WBP2: variants seen among roughly 807,000 people sequenced by gnomAD.
WBP2 encodes WW domain-binding protein 2.
Under a neutral mutation model 33.0 loss-of-function variants are expected in WBP2, and 23 were observed. The observed-to-expected ratio is 0.70, with a 90% confidence interval of 0.50 to 0.99. The LOEUF is 0.99. Ranked by LOEUF, WBP2 falls within the 50% of genes least tolerant of loss-of-function variation. WBP2 has a pLI of 0.00. For synonymous variants in WBP2, 153 were observed against 133.5 expected (o/e 1.15, Z -1.01); for missense variants, 353 against 358.0 (o/e 0.99, Z 0.11).
intron 3 of WBP2, 134 bp downstream of exon 3, chr17:75,849,470 G>T: frequency 8.8e-7 from 1 of 1,134,080 alleles, no homozygotes; most frequent in Non-Finnish European, 1.2e-6. Flanking sequence ...CCACCAGCTG[G>T]CAGCCCAGAG....
chr17:75,849,773 G>C (rs369310320), intron 2 of WBP2, 34 bp from the exon 3 acceptor site: 4 of 1,610,186 alleles, frequency 2.5e-6, no homozygotes, highest in Non-Finnish European at 3.4e-6. Flanking sequence ...ATCAGTACTA[G>C]AAGCACAGCC....
upstream of WBP2, chr17:75,855,420 C>T (rs542090227): frequency 4.7e-5 from 50 of 1,068,266 alleles, no homozygotes; most frequent in Non-Finnish European, 6.7e-5. Flanking sequence ...GAGGCTGGCC[C>T]AAACACCTGA....
At chr17:75,851,787 C>T in intron 1 of WBP2, 111 bp from the exon 2 acceptor site, 1 of 773,794 alleles carries the variant, frequency 1.3e-6, no homozygotes, top group South Asian at 1.4e-5. Flanking sequence ...CTCTCATAAC[C>T]TCTCAATAGT....
At chr17:75,853,150 G>A (rs1433605832) in intron 1 of WBP2, among the ~76,000 whole-genome samples, 2 of 152,086 alleles carry the variant, frequency 1.3e-5, no homozygotes, top group Non-Finnish European at 1.5e-5. Context: ...GCGTTCAAGC[G>A]ATTCTCCTGT....
In WBP2 at chr17:75,846,415, G is replaced by A. The variant is rs1040085565; in HGVS notation, c.*319C>T. 24 of 433,120 alleles carry A rather than the reference G, an allele frequency of 5.5e-5. No homozygotes were observed. Among genetic ancestry groups the A allele is most frequent in the Non-Finnish European group, 2.5e-5 (6 of 235,298 alleles). The allele number at this position is 433,120 out of a possible 1,614,324, so 26.8% of individuals were successfully genotyped here. On this transcript the variant is annotated 3_prime_UTR_variant, in exon 8 of 8. Transcript: ENST00000254806. The surrounding 1 kb of genome is among the most constrained non-coding windows in gnomAD (Gnocchi z 4.8). ...AGGGAGCTGGACTGCGGTGGAGGAG[G>A]TGGCCAGAGAGTCCCTTCGAGGGGA...
intron 6 of WBP2, 100 bp downstream of exon 6, chr17:75,847,387 T>G (rs989001454): frequency 2.8e-5 from 42 of 1,526,152 alleles, no homozygotes; most frequent in Admixed American, 1.8e-4. Flanking sequence ...ATCCATCATC[T>G]GCGGCTCTCA....
In WBP2 at chr17:75,847,787, C is replaced by A; in HGVS notation, c.532+9G>T. 1 of 1,552,936 alleles carries A rather than the reference C, an allele frequency of 6.4e-7. No individual in the cohort carries two copies. Among genetic ancestry groups the A allele is most frequent in the South Asian group, 1.2e-5 (1 of 84,310 alleles). On this transcript the variant is annotated intron_variant, in intron 5 of 7. Coordinates refer to ENST00000254806, the MANE Select transcript of WBP2 (RefSeq NM_012478.4). ...TGAGGGGAGTGGGGGCAGCAAAGGA[C>A]ACACTCACCAGGTGGGGGCGGTGGA...
intron 3 of WBP2, chr17:75,848,980 C>T (rs1199653052): frequency 2.3e-5 from 9 of 389,170 alleles, no homozygotes; most frequent in Admixed American, 1.2e-4. Flanking sequence ...GGTTTCTCTC[C>T]GCCCCCAGTC....
At chr17:75,851,947 C>G (rs536550213) in intron 1 of WBP2, 2 of 242,726 alleles carry the variant, frequency 8.2e-6, no homozygotes, top group Non-Finnish European at 1.7e-5. Flanking sequence ...ACTAAAAATA[C>G]AAAAAAATTA....
At chr17:75,847,370 A>T in intron 6 of WBP2, 117 bp downstream of exon 6, 1 of 1,485,340 alleles carries the variant, frequency 6.7e-7, no homozygotes, top group Non-Finnish European at 9.1e-7. Flanking sequence ...GGGGTAGTCC[A>T]GGGGTCATCC....
Position 75,846,840 on chromosome 17 carries a change from G to A in WBP2, c.733-53C>T, listed in dbSNP as rs376521509. Reference sequence around the variant, plus strand: ...CATTAGAAGGTTTAAAACATGGTGCGGTCATCCCCCTGCGGCTCCCAGCAT... The same window carrying A: ...CATTAGAAGGTTTAAAACATGGTGCAGTCATCCCCCTGCGGCTCCCAGCAT... On this transcript the variant is annotated intron_variant, in intron 7 of 7. Coordinates refer to ENST00000254806, the MANE Select transcript of WBP2 (RefSeq NM_012478.4). The surrounding 1 kb of genome is among the most constrained non-coding windows in gnomAD (Gnocchi z 4.8). 3.4e-5 allele frequency: 54 copies of A among 1,610,028 alleles called. No homozygotes were observed. Among genetic ancestry groups the A allele is most frequent in the East Asian group, 4.5e-5 (2 of 44,786 alleles).
At chr17:75,849,443 C>T (rs1365029708) in intron 3 of WBP2, 161 bp downstream of exon 3, 9 of 836,178 alleles carry the variant, frequency 1.1e-5, no homozygotes, top group Non-Finnish European at 1.7e-5. Context: ...TTTTCCCCAC[C>T]TCTTGGCAAT....
In WBP2 at chr17:75,846,974, C is replaced by G. The variant is rs1387278909; in HGVS notation, c.666G>C (p.Lys222Asn). The change falls in exon 7 of 8, where the codon AAG becomes AAC. Residue 222 changes from lysine to asparagine, a missense_variant. Coordinates refer to ENST00000254806, the MANE Select transcript of WBP2 (RefSeq NM_012478.4). The surrounding 1 kb of genome is among the most constrained non-coding windows in gnomAD (Gnocchi z 4.8). ...DVPSTPAAEAKAAEAAASAYY... is the reference protein window; with the variant it reads ...DVPSTPAAEANAAEAAASAYY... ...AGGCGCTGGCGGCTGCTTCTGCGGCCTTGGCTTCGGCTGTGAGAGCAAACA... is the reference window on the plus strand; with the variant it reads ...AGGCGCTGGCGGCTGCTTCTGCGGCGTTGGCTTCGGCTGTGAGAGCAAACA... 1 of 1,614,098 alleles carries G rather than the reference C, an allele frequency of 6.2e-7. No individual in the cohort carries two copies. Among genetic ancestry groups the G allele is most frequent in the South Asian group, 1.1e-5 (1 of 91,068 alleles).
At position 75,855,009 on chromosome 17, in the gene WBP2, C is replaced by G. The variant is rs148656475; in HGVS notation, c.59+230G>C. ...CTAGGCCCCACCGGGGGCCCCATAC[C>G]AGGTCCCCATGCAGACGTCCCACCC... On this transcript the variant is annotated intron_variant, in intron 1 of 7. Transcript: ENST00000254806. 3 of 577,488 alleles carry G rather than the reference C, an allele frequency of 5.2e-6. No individual in the cohort carries two copies. In the East Asian group the frequency reaches 8.5e-5, roughly 16 times the overall value. The allele number at this position is 577,488 out of a possible 1,614,324, so 35.8% of individuals were successfully genotyped here. A position where few individuals can be genotyped will look rare whatever the true frequency, so the allele number is the denominator to read the frequency against.
rs2064998112 is a variant in WBP2 at position 75,847,117 on chromosome 17, A to C, written c.656-133T>G. 3.1e-6 allele frequency: 3 copies of C among 964,076 alleles called. No individual in the cohort carries two copies. In the South Asian group the frequency reaches 4.5e-5, roughly 14 times the overall value. The allele number at this position is 964,076 out of a possible 1,614,324, so 59.7% of individuals were successfully genotyped here. A position where few individuals can be genotyped will look rare whatever the true frequency, so the allele number is the denominator to read the frequency against. On this transcript the variant is annotated intron_variant, in intron 6 of 7. Transcript: ENST00000254806. Reference sequence around the variant, plus strand: ...GTTCCACCAATGAGAGCAGCAGGTGAGGTTTCCTGAGCACATGCCACGCGC... The same window carrying C: ...GTTCCACCAATGAGAGCAGCAGGTGCGGTTTCCTGAGCACATGCCACGCGC...
At position 75,846,746 on chromosome 17, in the gene WBP2, C is replaced by A; in HGVS notation, c.774G>T (p.Lys258Asn). 6.5e-7 allele frequency: 1 copy of A among 1,529,930 alleles called. No homozygotes were observed. Among genetic ancestry groups the A allele is most frequent in the South Asian group, 1.3e-5 (1 of 78,464 alleles). 94.8% of individuals were successfully genotyped at this position (1,529,930 alleles called of 1,614,324 possible). A position where few individuals can be genotyped will look rare whatever the true frequency, so the allele number is the denominator to read the frequency against. The change falls in exon 8 of 8, where the codon AAG becomes AAT. Residue 258 changes from lysine to asparagine, a missense_variant. Physicochemically the swap from Lys to Asn is moderately conservative, Grantham distance 94 (BLOSUM62 0). Transcript: ENST00000254806. The surrounding 1 kb of genome is among the most constrained non-coding windows in gnomAD (Gnocchi z 4.8). ...GAGGCAGGAGGGCCTACTGGGTCTT[C>A]TTATCTTCCGGTGGGTAGTAGGGAG... Reference protein sequence around the residue: ...PPPPYYPPEDKKTQ With the variant: ...PPPPYYPPEDNKTQ
chr17:75,846,028 G>A lies in WBP2; in HGVS notation c.*706C>T, dbSNP rs2064987848. 1 of 152,542 alleles carries A rather than the reference G, an allele frequency of 6.6e-6. No individual in the cohort carries two copies. Among genetic ancestry groups the A allele is most frequent in the Non-Finnish European group, 1.5e-5 (1 of 68,242 alleles). 9.4% of individuals were successfully genotyped at this position (152,542 alleles called of 1,614,324 possible). A position where few individuals can be genotyped will look rare whatever the true frequency, so the allele number is the denominator to read the frequency against. ...TGCATTCTCTGGTTCCAGTCAGGAA[G>A]CTCCTTCTAGAAGGAAGTGAGAGGT... On this transcript the variant is annotated 3_prime_UTR_variant, in exon 8 of 8. Transcript: ENST00000254806. This position sits in a 1 kb window ranked among gnomAD's most constrained non-coding sequence, Gnocchi z 4.8.
intron 1 of WBP2, among the ~76,000 whole-genome samples, chr17:75,854,028 G>C (rs1007589473): frequency 1.7e-5 from 2 of 116,616 alleles, no homozygotes; most frequent in Admixed American, 2.2e-4. Flanking sequence ...CTGGGCGACA[G>C]AGCAAGCCTC....
chr17:75,848,759 G>T (rs897985436), intron 3 of WBP2, 97 bp from the exon 4 acceptor site: 3 of 1,141,266 alleles, frequency 2.6e-6, no homozygotes, highest in Non-Finnish European at 3.8e-6. Flanking sequence ...TCCAACGCCC[G>T]GGAGGCCTGC....
Sources: allele counts gnomAD v4.1 joint callset (sites outside exome capture counted in the v4.1 genomes callset), GRCh38; gene constraint gnomAD v4.1.1; non-coding constraint Gnocchi (gnomAD v3.1); transcripts MANE v1.5; gene names NCBI Gene and HGNC (gene_info 2026-07-23, HGNC 2026-07-21).